Variants in ACO2 observed in about 807,000 individuals in gnomAD.
The protein encoded by ACO2 is aconitate hydratase, mitochondrial.
A neutral mutation model predicts 84.5 loss-of-function variants in ACO2; 31 were observed. The observed-to-expected ratio is 0.37, with a 90% CI of 0.28 to 0.50. The LOEUF is 0.50. Among genes scored for constraint, ACO2 ranks in the 20% least tolerant of loss-of-function variants. The pLI is 0.97. For missense variants in ACO2, 685 were observed against 1,029.3 expected (o/e 0.67, Z 4.58); for synonymous variants, 414 against 412.7 (o/e 1.00, Z -0.04).
At chr22:41,503,357 C>T (rs183830047) in intron 2 of ACO2, among the ~76,000 whole-genome samples, 4 of 151,724 alleles carry the variant, frequency 2.6e-5, no homozygotes, top group South Asian at 2.1e-4. Flanking sequence ...AACGGAGTCT[C>T]GCTCTGTCGC....
At chr22:41,482,758 A>C (rs1204949907) in intron 1 of ACO2, among the ~76,000 whole-genome samples, 1 of 152,192 alleles carries the variant, frequency 6.6e-6, no homozygotes, top group African/African-American at 2.4e-5. Flanking sequence ...TCCTCACTGC[A>C]GCCTGTGAAG....
At chr22:41,498,251 G>A (rs2146104514) in intron 1 of ACO2, among the ~76,000 whole-genome samples, 1 of 152,222 alleles carries the variant, frequency 6.6e-6, no homozygotes, top group East Asian at 1.9e-4. Context: ...GTTTCAGACT[G>A]CAGGGAAGTA....
At position 41,515,907 on chromosome 22, in the gene ACO2, C is replaced by T; in HGVS notation, c.825C>T (p.Ile275=). The T allele has an allele frequency of 6.2e-7, 1 of 1,613,908 alleles. No homozygotes were observed. Among genetic ancestry groups the T allele is most frequent in the Non-Finnish European group, 8.5e-7 (1 of 1,179,894 alleles). ...ACCACGGGCCTGGTGTAGACTCCATCTCCTGCACTGGTGAGGAAGGCGGCC... is the reference window on the plus strand; with the variant it reads ...ACCACGGGCCTGGTGTAGACTCCATTTCCTGCACTGGTGAGGAAGGCGGCC... ...VEYHGPGVDS[I]SCTGMATICN... The change falls in exon 6 of 18, where the codon ATC becomes ATT. Residue 275 remains isoleucine (I), a synonymous_variant. Coordinates refer to ENST00000216254, the MANE Select transcript of ACO2 (RefSeq NM_001098.3). This position sits in a 1 kb window ranked among gnomAD's most constrained non-coding sequence, Gnocchi z 5.8.
intron 6 of ACO2, chr22:41,516,203 G>A (rs2066475036): frequency 9.9e-6 from 6 of 604,548 alleles, no homozygotes; most frequent in South Asian, 4.0e-5. Context: ...CTGCTGCTGG[G>A]CCCAGGCCAT....
Position 41,515,813 on chromosome 22 carries a change from C to A in ACO2, c.731C>A (p.Pro244His). The change falls in exon 6 of 18, where the codon CCC becomes CAC. Residue 244 changes from proline (P) to histidine (H), a missense_variant. Physicochemically the swap from Pro to His is moderately conservative, Grantham distance 77 (BLOSUM62 -2). Transcript: ENST00000216254. The surrounding 1 kb of genome is among the most constrained non-coding windows in gnomAD (Gnocchi z 5.8). Reference sequence around the variant, plus strand: ...GGCTCTCTCTCCGGTTGGTCCTCACCCAAAGATGTGATCCTGAAGGTGGCA... The same window carrying A: ...GGCTCTCTCTCCGGTTGGTCCTCACACAAAGATGTGATCCTGAAGGTGGCA... ...LTGSLSGWSS[P>H]KDVILKVAGI... 1 of 1,614,144 alleles carries A rather than the reference C, an allele frequency of 6.2e-7. No individual in the cohort carries two copies. Among genetic ancestry groups the A allele is most frequent in the Non-Finnish European group, 8.5e-7 (1 of 1,180,032 alleles).
chr22:41,509,087 C>T (rs894553691), intron 3 of ACO2, among the ~76,000 whole-genome samples: 57 of 152,168 alleles, frequency 3.7e-4, no homozygotes, highest in African/African-American at 1.3e-3. Context: ...ACATTAGCAA[C>T]AACACTGGTG....
chr22:41,469,463 A>T (rs778647765), intron 1 of ACO2: 262 of 444,294 alleles, frequency 5.9e-4, no homozygotes, highest in Non-Finnish European at 9.1e-4. Context: ...CTTCTTTTTG[A>T]GGACAGCATT....
intron 8 of ACO2, among the ~76,000 whole-genome samples, chr22:41,519,478 G>GT (rs1202812297): frequency 3.3e-5 from 5 of 152,148 alleles, no homozygotes; most frequent in African/African-American, 1.2e-4. Context: ...ATTATGATAT[G>GT]TAAAGCGTCT....
chr22:41,477,302 C>T (rs970723711), intron 1 of ACO2, among the ~76,000 whole-genome samples: 2 of 151,544 alleles, frequency 1.3e-5, no homozygotes, highest in East Asian at 2.0e-4. Flanking sequence ...TACAGGCACC[C>T]GCCACCACGC....
chr22:41,475,508 C>G (rs1185599767), intron 1 of ACO2, among the ~76,000 whole-genome samples: 1 of 151,996 alleles, frequency 6.6e-6, no homozygotes, highest in East Asian at 1.9e-4. Flanking sequence ...GCCTCGTTTT[C>G]CCAGCACCTG....
intron 1 of ACO2, among the ~76,000 whole-genome samples, chr22:41,478,695 T>C (rs1307116882): frequency 1.3e-5 from 2 of 152,120 alleles, no homozygotes; most frequent in African/African-American, 4.8e-5. Flanking sequence ...CTGTGGGCAT[T>C]TGTGGGACTT....
rs375929439 is a variant in ACO2 at position 41,499,849 on chromosome 22, A to T, written c.160A>T (p.Ile54Phe). 1 of 1,614,056 alleles carries T rather than the reference A, an allele frequency of 6.2e-7. No homozygotes were observed. The highest frequency in any genetic ancestry group is 8.5e-7 in the Non-Finnish European group (1 of 1,179,994). The change falls in exon 2 of 18, where the codon ATT becomes TTT. Residue 54 changes from isoleucine to phenylalanine, a missense_variant. By Grantham distance (21) the Ile-to-Phe change is conservative. Transcript: ENST00000216254. ...HYDLLEKNINIVRKRLNRPLT... is the reference protein window; with the variant it reads ...HYDLLEKNINFVRKRLNRPLT... The stretch of plus-strand genomic sequence containing the variant: ...TGACCTGCTAGAGAAGAACATTAAC[A>T]TTGTTCGCAAACGGTAAGGCTGCAG...
intron 3 of ACO2, among the ~76,000 whole-genome samples, chr22:41,510,586 G>A (rs895556331): frequency 2.0e-5 from 3 of 152,136 alleles, no homozygotes; most frequent in Admixed American, 2.0e-4. Flanking sequence ...CTGAAGCATC[G>A]CTCTCCCATG....
rs773505159 is a variant in ACO2, at chr22:41,523,867, A to G, written c.1408A>G (p.Thr470Ala). The change falls in exon 12 of 18, where the codon ACC (threonine) becomes GCC (alanine). Residue 470 changes from threonine to alanine, a missense_variant. Physicochemically the swap from Thr to Ala is moderately conservative, Grantham distance 58. Transcript: ENST00000216254. ...GAAGGGGGAGAAGAACACAATCGTCACCTCCTACAACAGGAACTTCACGGG... is the reference window on the plus strand; with the variant it reads ...GAAGGGGGAGAAGAACACAATCGTCGCCTCCTACAACAGGAACTTCACGGG... The part of the protein sequence containing the change: ...IKKGEKNTIV[T>A]SYNRNFTGRN... 6.2e-7 allele frequency: 1 copy of G among 1,612,112 alleles called. No homozygotes were observed. The highest frequency in any genetic ancestry group is 1.7e-5 in the Admixed American group (1 of 60,010).
intron 1 of ACO2, among the ~76,000 whole-genome samples, chr22:41,485,317 C>G (rs1049468488): frequency 2.1e-5 from 3 of 144,582 alleles, no homozygotes; most frequent in African/African-American, 5.1e-5. Context: ...TCTTTTTTTT[C>G]GAGATGGAGT....
intron 9 of ACO2, 112 bp from the exon 10 acceptor site, chr22:41,522,718 C>A: frequency 7.9e-7 from 1 of 1,272,844 alleles, no homozygotes; most frequent in Non-Finnish European, 1.1e-6. Context: ...AGTCTCTGGC[C>A]CAGCCCAGAT....
chr22:41,506,899 TTGCTC>T, intron 2 of ACO2, among the ~76,000 whole-genome samples: 1 of 151,954 alleles, frequency 6.6e-6, no homozygotes, highest in African/African-American at 2.4e-5. Context: ...AACAGCCCCT[TTGCTC>T]TGTTGTGTGG....
chr22:41,512,141 A>G (rs771775500), intron 4 of ACO2, 173 bp downstream of exon 4: 90 of 527,050 alleles, frequency 1.7e-4, no homozygotes, highest in Non-Finnish European at 2.6e-4. Context: ...TTATGTCATT[A>G]TACGTGCTCA....
At chr22:41,525,921 G>A (rs2066584618) in intron 14 of ACO2, 1 of 256,518 alleles carries the variant, frequency 3.9e-6, no homozygotes, top group African/African-American at 2.2e-5. Context: ...ACCCAGGCAT[G>A]TCCTGGGCTC....
Sources: gnomAD v4.1 joint callset for allele counts (sites outside exome capture counted in the v4.1 genomes callset) on GRCh38, gnomAD v4.1.1 for gene constraint, Gnocchi (gnomAD v3.1) non-coding constraint, MANE v1.5 for transcripts, NCBI Gene and HGNC (gene_info 2026-07-23, HGNC 2026-07-21) for gene names.